Variants in CDK13 observed in about 807,000 individuals in gnomAD.
The protein encoded by CDK13 is cyclin-dependent kinase 13.
A neutral mutation model predicts 137.6 loss-of-function variants in CDK13; 40 were observed. The ratio of observed to expected loss-of-function variants is 0.29; its 90% CI spans 0.23 to 0.38. The LOEUF is 0.38. Among genes scored for constraint, CDK13 ranks in the 10% least tolerant of loss-of-function variants. The pLI is 1.00. For missense variants in CDK13, 1,704 were observed against 1,951.8 expected (o/e 0.87, Z 2.39); for synonymous variants, 869 against 760.1 (o/e 1.14, Z -2.36).
intron 2 of CDK13, among the ~76,000 whole-genome samples, chr7:39,989,356 C>T (rs1025975613): frequency 4.7e-5 from 7 of 150,468 alleles, no homozygotes; most frequent in Non-Finnish European, 1.0e-4. Context: ...CCCCCTCCCA[C>T]TCCCCATTAA....
chr7:39,976,323 T>TCACACACACACACACACACACACACA (rs764395925), intron 1 of CDK13, among the ~76,000 whole-genome samples: 10 of 39,584 alleles, frequency 2.5e-4, no homozygotes, highest in South Asian at 1.2e-3. Flanking sequence ...TCTCTCTCTC[T>TCACACACACACACACACACACACACA]CACACACACA....
chr7:40,095,002 C>T lies in CDK13; in HGVS notation c.*22C>T, dbSNP rs1787015341. ...CTGAGTATCTGTTTTTCCTCAGGCA[C>T]ATCATTTTTATCTGGAAAGACTTTT... On this transcript the variant is annotated 3_prime_UTR_variant, in exon 14 of 14. Coordinates refer to ENST00000181839, the MANE Select transcript of CDK13 (RefSeq NM_003718.5). 1 of 1,347,370 alleles carries T rather than the reference C, an allele frequency of 7.4e-7. No homozygotes were observed. Among genetic ancestry groups the T allele is most frequent in the Middle Eastern group, 2.0e-4 (1 of 5,074 alleles). The allele number at this position is 1,347,370 out of a possible 1,614,324, so 83.5% of individuals were successfully genotyped here.
chr7:39,995,822 A>G (rs1434542112), intron 2 of CDK13, among the ~76,000 whole-genome samples: 1 of 152,202 alleles, frequency 6.6e-6, no homozygotes, highest in Non-Finnish European at 1.5e-5. Context: ...AGCCTGGCCA[A>G]CATGGTGAAA....
intron 1 of CDK13, chr7:39,984,599 T>C (rs939461585): frequency 6.6e-6 from 1 of 152,188 alleles, no homozygotes; most frequent in Non-Finnish European, 1.5e-5. Flanking sequence ...TTTTATCCTT[T>C]GTGTTACAAG....
In CDK13 at chr7:40,095,062, T is replaced by G. The variant is rs1335230111; in HGVS notation, c.*82T>G. 5 of 1,164,650 alleles carry G rather than the reference T, an allele frequency of 4.3e-6. No individual in the cohort carries two copies. The highest frequency in any genetic ancestry group is 5.7e-6 in the Non-Finnish European group (5 of 883,556). 72.1% of individuals were successfully genotyped at this position (1,164,650 alleles called of 1,614,324 possible). A position where few individuals can be genotyped will look rare whatever the true frequency, so the allele number is the denominator to read the frequency against. On this transcript the variant is annotated 3_prime_UTR_variant, in exon 14 of 14. Transcript: ENST00000181839. ...ATTTAAGGCAGCAATCCAAGAGACTTGAATAATAATAATTCAACAACAGCT... is the reference window on the plus strand; with the variant it reads ...ATTTAAGGCAGCAATCCAAGAGACTGGAATAATAATAATTCAACAACAGCT...
rs1314806142 is a variant in CDK13 at position 39,950,610 on chromosome 7, C to G, written c.-32C>G. 1.6e-6 allele frequency: 2 copies of G among 1,289,336 alleles called. No homozygotes were observed. The highest frequency in any genetic ancestry group is 2.3e-5 in the South Asian group (1 of 43,062). The allele number at this position is 1,289,336 out of a possible 1,614,324, so 79.9% of individuals were successfully genotyped here. On this transcript the variant is annotated 5_prime_UTR_variant, in exon 1 of 14. Coordinates refer to ENST00000181839, the MANE Select transcript of CDK13 (RefSeq NM_003718.5). ...GGATCTGACCCGGGAGGAGGCCGCACCCGCGCCGCGCTCTGCGGCTGGCTC... is the reference window on the plus strand; with the variant it reads ...GGATCTGACCCGGGAGGAGGCCGCAGCCGCGCCGCGCTCTGCGGCTGGCTC...
chr7:39,985,365 T>G (rs921159258), intron 1 of CDK13: 1 of 161,092 alleles, frequency 6.2e-6, no homozygotes, highest in African/African-American at 2.4e-5. Flanking sequence ...TCTTTATCCA[T>G]TCATCTGTTG....
At chr7:40,033,573 T>C (rs932722046) in intron 5 of CDK13, among the ~76,000 whole-genome samples, 4 of 152,216 alleles carry the variant, frequency 2.6e-5, no homozygotes, top group Admixed American at 1.3e-4. Flanking sequence ...CTGTTTGCTG[T>C]ACCTGTAAGT....
chr7:39,981,753 A>ATAGT (rs983393675), intron 1 of CDK13, among the ~76,000 whole-genome samples: 30 of 151,982 alleles, frequency 2.0e-4, no homozygotes, highest in Admixed American at 1.8e-3. Context: ...TTCAGTTGAT[A>ATAGT]TAGTGATCAA....
chr7:40,044,714 G>A (rs917244754), intron 5 of CDK13, among the ~76,000 whole-genome samples: 1 of 151,968 alleles, frequency 6.6e-6, no homozygotes, highest in African/African-American at 2.4e-5. Flanking sequence ...TCGGCTCACT[G>A]CAAGCTCTGC....
rs112590785 is a variant in CDK13, at chr7:40,082,955, T to C, written c.3029+4104T>C. ...ATCTCTACTAAAAATACTAAAAAAT[T>C]AGCCAGGCGTGGTGGCACACGCCTG... On this transcript the variant is annotated intron_variant, in intron 11 of 13. Coordinates refer to ENST00000181839, the MANE Select transcript of CDK13 (RefSeq NM_003718.5). Among the ~76,000 whole-genome samples, 953 of 151,584 alleles carry C rather than the reference T, an allele frequency of 6.3e-3. 12 individuals are homozygous for C. The highest frequency in any genetic ancestry group is 0.021 in the African/African-American group (881 of 41,338).
chr7:39,974,872 T>C (rs1784073904), intron 1 of CDK13, among the ~76,000 whole-genome samples: 1 of 152,186 alleles, frequency 6.6e-6, no homozygotes, highest in Non-Finnish European at 1.5e-5. Context: ...CCGGAATTCC[T>C]TTTATTTCTT....
At chr7:40,003,206 A>ACACACTCTCTCTCTCTCT (rs374470130) in intron 5 of CDK13, among the ~76,000 whole-genome samples, 1 of 79,864 alleles carries the variant, frequency 1.3e-5, no homozygotes, top group Non-Finnish European at 2.5e-5. Flanking sequence ...ACACACACAC[A>ACACACTCTCTCTCTCTCT]CTCTCTCTCT....
intron 9 of CDK13, among the ~76,000 whole-genome samples, chr7:40,068,312 G>GTTTT (rs562603513): frequency 7.0e-6 from 1 of 143,842 alleles, no homozygotes; most frequent in African/African-American, 2.5e-5. Context: ...GGCATATTTG[G>GTTTT]TTTTTTTTTT....
intron 6 of CDK13, 98 bp from the exon 7 acceptor site, chr7:40,047,721 GTT>G (rs57364877): frequency 1.3e-3 from 840 of 639,302 alleles, no homozygotes; most frequent in South Asian, 2.9e-3. Flanking sequence ...GTTTACATAG[GTT>G]TTTTTTTTTT....
chr7:39,963,734 C>G (rs1783803607), intron 1 of CDK13, among the ~76,000 whole-genome samples: 1 of 152,108 alleles, frequency 6.6e-6, no homozygotes, highest in Admixed American at 6.5e-5. Context: ...CAGTTTTTGC[C>G]CATTCGGTAT....
chr7:39,970,017 CT>C (rs869070174), intron 1 of CDK13, among the ~76,000 whole-genome samples: 383 of 136,658 alleles, frequency 2.8e-3, no homozygotes, highest in East Asian at 2.7e-3. Flanking sequence ...GTGATTTATG[CT>C]TTTTTTTTTT....
chr7:40,062,870 C>T lies in CDK13; in HGVS notation c.2645C>T (p.Pro882Leu), dbSNP rs1205848932. ...GTAATTACTTTATGGTACCGTCCAC[C>T]TGAACTGCTACTGGGAGAAGAACGA... ...NKVITLWYRPPELLLGEERYT... is the reference protein window; with the variant it reads ...NKVITLWYRPLELLLGEERYT... Residue 882 changes from proline to leucine, a missense_variant, in exon 8 of 14, where the codon CCT becomes CTT. Physicochemically the swap from Pro to Leu is moderately conservative, Grantham distance 98. Transcript: ENST00000181839. 1 of 1,613,842 alleles carries T rather than the reference C, an allele frequency of 6.2e-7. No homozygotes were observed. The highest frequency in any genetic ancestry group is 8.5e-7 in the Non-Finnish European group (1 of 1,179,892).
intron 7 of CDK13, 48 bp downstream of exon 7, chr7:40,047,925 A>C (rs1362854430): frequency 8.6e-7 from 1 of 1,168,048 alleles, no homozygotes; most frequent in Non-Finnish European, 1.3e-6. Flanking sequence ...GTTTAGTATT[A>C]GAAGCTATAC....
Sources: gnomAD v4.1 joint callset for allele counts (sites outside exome capture counted in the v4.1 genomes callset) on GRCh38, gnomAD v4.1.1 for gene constraint, MANE v1.5 for transcripts, NCBI Gene and HGNC (gene_info 2026-07-23, HGNC 2026-07-21) for gene names.